TRAPPC9: variants seen among roughly 807,000 people sequenced by gnomAD.
TRAPPC9 encodes trafficking protein particle complex subunit 9, also known as IKK2 binding protein.
A neutral mutation model predicts 124.0 loss-of-function variants in TRAPPC9; 83 were observed. The observed-to-expected ratio is 0.67, with a 90% CI of 0.56 to 0.80. The LOEUF (loss-of-function observed/expected upper bound fraction) is 0.80. Among genes scored for constraint, TRAPPC9 ranks in the 30% least tolerant of loss-of-function variants. TRAPPC9 has a pLI of 0.00. For synonymous variants in TRAPPC9, 638 were observed against 617.5 expected (o/e 1.03, Z -0.49); for missense variants, 1,302 against 1,508.3 (o/e 0.86, Z 2.27).
At chr8:140,132,202 G>A (rs552937928) in intron 17 of TRAPPC9, among the ~76,000 whole-genome samples, 1 of 152,296 alleles carries the variant, frequency 6.6e-6, no homozygotes, top group Non-Finnish European at 1.5e-5. Flanking sequence ...GTCCAGCACA[G>A]CACAGTCCTC....
At chr8:140,046,044 G>T (rs561254144) in intron 17 of TRAPPC9, among the ~76,000 whole-genome samples, 6 of 148,382 alleles carry the variant, frequency 4.0e-5, no homozygotes, top group African/African-American at 1.4e-4. Flanking sequence ...GATCTAGATG[G>T]GAGGATGGGA....
At chr8:140,133,770 C>T (rs865782744) in intron 17 of TRAPPC9, among the ~76,000 whole-genome samples, 15 of 151,916 alleles carry the variant, frequency 9.9e-5, no homozygotes, top group South Asian at 2.1e-4. Context: ...AATGAATAAT[C>T]TGAAAAGAAA....
At chr8:139,924,780 C>T (rs1415035975) in intron 19 of TRAPPC9, among the ~76,000 whole-genome samples, 1 of 152,226 alleles carries the variant, frequency 6.6e-6, no homozygotes, top group Non-Finnish European at 1.5e-5. Flanking sequence ...ATTTCGTCCA[C>T]CTCCTTCGCT....
At chr8:139,999,340 G>C in intron 18 of TRAPPC9, among the ~76,000 whole-genome samples, 1 of 152,082 alleles carries the variant, frequency 6.6e-6, no homozygotes, top group Non-Finnish European at 1.5e-5. Flanking sequence ...GACACCTAAA[G>C]AGGGACATTA....
At chr8:139,885,354 C>G (rs905322905) in intron 21 of TRAPPC9, among the ~76,000 whole-genome samples, 6 of 152,176 alleles carry the variant, frequency 3.9e-5, no homozygotes, top group African/African-American at 1.4e-4. Context: ...TTGAACACAA[C>G]GTTGAGTTGA....
At chr8:139,896,469 T>A (rs1404147736) in intron 20 of TRAPPC9, among the ~76,000 whole-genome samples, 2 of 152,190 alleles carry the variant, frequency 1.3e-5, no homozygotes, top group Non-Finnish European at 2.9e-5. Flanking sequence ...GACTTCAGAA[T>A]ATGGTGGGTA....
intron 20 of TRAPPC9, among the ~76,000 whole-genome samples, chr8:139,890,256 A>C (rs772208721): frequency 6.6e-6 from 1 of 152,234 alleles, no homozygotes; most frequent in Admixed American, 6.5e-5. Context: ...CGTAACAGGG[A>C]GGTCAGGCCC....
At chr8:139,761,728 A>C (rs1586789600) in intron 21 of TRAPPC9, among the ~76,000 whole-genome samples, 1 of 151,956 alleles carries the variant, frequency 6.6e-6, no homozygotes, top group Admixed American at 6.5e-5. Flanking sequence ...CCCACTGGAC[A>C]GTGGCCCAAG....
chr8:139,966,688 G>C (rs1835728454), intron 19 of TRAPPC9, among the ~76,000 whole-genome samples: 1 of 152,144 alleles, frequency 6.6e-6, no homozygotes, highest in Non-Finnish European at 1.5e-5. Flanking sequence ...GGAGAGAGCT[G>C]TTTTTCTGTA....
intron 11 of TRAPPC9, among the ~76,000 whole-genome samples, chr8:140,297,361 T>TACACACACAC (rs1376733883): frequency 6.6e-6 from 1 of 151,450 alleles, no homozygotes; most frequent in Non-Finnish European, 1.5e-5. Flanking sequence ...CACACACACA[T>TACACACACAC]ACACGCATAC....
intron 12 of TRAPPC9, among the ~76,000 whole-genome samples, chr8:140,290,398 C>T (rs2131756599): frequency 6.6e-6 from 1 of 152,166 alleles, no homozygotes; most frequent in East Asian, 1.9e-4. Flanking sequence ...GCTCTGAAAA[C>T]ACAGAATCAG....
At chr8:140,452,151 T>C (rs1315373840) in intron 1 of TRAPPC9, among the ~76,000 whole-genome samples, 1 of 145,514 alleles carries the variant, frequency 6.9e-6, no homozygotes, top group Non-Finnish European at 1.5e-5. Flanking sequence ...CGGGGCGCAG[T>C]GGCTCACACC....
intron 21 of TRAPPC9, among the ~76,000 whole-genome samples, chr8:139,761,406 C>T (rs925086186): frequency 5.3e-5 from 8 of 152,192 alleles, no homozygotes; most frequent in East Asian, 1.9e-4. Context: ...ACCTTTGTAG[C>T]GACCAAGAAG....
intron 7 of TRAPPC9, among the ~76,000 whole-genome samples, chr8:140,396,707 C>T (rs911239507): frequency 2.6e-5 from 4 of 152,158 alleles, no homozygotes; most frequent in Non-Finnish European, 1.5e-5. Context: ...CCCATCTCTT[C>T]TTTACCTGGC....
At chr8:140,368,372 T>C (rs2068182268) in intron 8 of TRAPPC9, among the ~76,000 whole-genome samples, 1 of 152,324 alleles carries the variant, frequency 6.6e-6, no homozygotes, top group African/African-American at 2.4e-5. Flanking sequence ...CCATCTCACC[T>C]GAGTGGACAG....
intron 21 of TRAPPC9, chr8:139,881,156 G>A (rs1287589097): frequency 6.6e-6 from 1 of 152,180 alleles, no homozygotes; most frequent in Non-Finnish European, 1.5e-5. Context: ...GCCCTCCCGA[G>A]GTTCCTCTGG....
intron 19 of TRAPPC9, chr8:139,933,879 A>T (rs1357956273): frequency 6.6e-6 from 1 of 152,238 alleles, no homozygotes; most frequent in Non-Finnish European, 1.5e-5. Flanking sequence ...TTATCTATAA[A>T]GCAGCAACAA....
At chr8:140,410,264 A>G (rs1311704431) in intron 5 of TRAPPC9, among the ~76,000 whole-genome samples, 1 of 152,064 alleles carries the variant, frequency 6.6e-6, no homozygotes, top group African/African-American at 2.4e-5. Context: ...GACCAGGCGC[A>G]ATGGCTCATG....
At chr8:139,753,603 C>T (rs1003448233) in intron 21 of TRAPPC9, among the ~76,000 whole-genome samples, 1 of 152,228 alleles carries the variant, frequency 6.6e-6, no homozygotes, top group African/African-American at 2.4e-5. Context: ...TGCAAGCCTT[C>T]TGTACTCCTT....
Sources: allele counts gnomAD v4.1 joint callset (sites outside exome capture counted in the v4.1 genomes callset), GRCh38; gene constraint gnomAD v4.1.1; transcripts MANE v1.5; gene names NCBI Gene and HGNC (gene_info 2026-07-23, HGNC 2026-07-21).